CASTOR2: variants seen among roughly 807,000 people sequenced by gnomAD.
CASTOR2 encodes the protein cytosolic arginine sensor for mTORC1 subunit 2.
A neutral mutation model predicts 31.2 loss-of-function variants in CASTOR2; 8 were observed. The observed-to-expected ratio is 0.26, with a 90% CI of 0.15 to 0.46. The LOEUF (loss-of-function observed/expected upper bound fraction) is 0.46, where lower values mean the gene tolerates loss of function less well. CASTOR2 is among the 20% of genes least tolerant of loss of function. The pLI is 0.99. For missense variants in CASTOR2, 216 were observed against 382.1 expected, an observed-to-expected ratio of 0.57 and a Z score of 3.62; for synonymous variants, 162 against 158.7, an observed-to-expected ratio of 1.02 and a Z score of -0.16.
In CASTOR2 at chr7:75,017,728, C is replaced by T. The variant is rs1554439994; in HGVS notation, c.315C>T (p.Ala105=). ...CCAAGATCGCCAAGTCAGTCATCGC[C>T]CCACTGGCTGACCAGAACATATCCG... ...GVTKIAKSVI[A]PLADQNISVF... The change falls in exon 3 of 9, where the codon GCC becomes GCT. Residue 105 remains alanine, a synonymous_variant. Coordinates refer to ENST00000616305, the MANE Select transcript of CASTOR2 (RefSeq NM_001145064.3). 6.8e-6 allele frequency: 11 copies of T among 1,614,040 alleles called. No individual in the cohort carries two copies. In the East Asian group the frequency reaches 2.5e-4, roughly 36 times the overall value.
rs1804907957 is a variant in CASTOR2, at chr7:75,018,060, A to G, written c.449A>G (p.Asn150Ser). ...GAGTTCACCATCCTGCGGGTCGTCA[A>G]TGGCGAGACCGTGGCAGCCGAGAAC... ...SSEFTILRVVNGETVAAENLG... is the reference protein window; with the variant it reads ...SSEFTILRVVSGETVAAENLG... The change falls in exon 4 of 9, where the codon AAT becomes AGT. Residue 150 changes from asparagine to serine, a missense_variant. Coordinates refer to ENST00000616305, the MANE Select transcript of CASTOR2 (RefSeq NM_001145064.3). 10 of 1,614,180 alleles carry G rather than the reference A, an allele frequency of 6.2e-6. No individual in the cohort carries two copies. The highest frequency in any genetic ancestry group is 1.1e-5 in the South Asian group (1 of 91,086).
In CASTOR2 at chr7:75,018,064, C is replaced by T. The variant is rs1345597317; in HGVS notation, c.453C>T (p.Gly151=). 5.0e-6 allele frequency: 8 copies of T among 1,614,068 alleles called. No individual in the cohort carries two copies. Among genetic ancestry groups the T allele is most frequent in the East Asian group, 4.5e-5 (2 of 44,894 alleles). The part of the protein sequence containing the change: ...SEFTILRVVN[G]ETVAAENLGI... ...TCACCATCCTGCGGGTCGTCAATGG[C>T]GAGACCGTGGCAGCCGAGAACCTCG... Residue 151 remains glycine (G), a synonymous_variant, in exon 4 of 9, where the codon GGC becomes GGT. Coordinates refer to ENST00000616305, the MANE Select transcript of CASTOR2 (RefSeq NM_001145064.3).
rs1036561894 is a variant in CASTOR2, at chr7:75,024,909, G to A, written c.*210G>A. The A allele has an allele frequency of 5.0e-4, 615 of 1,223,402 alleles. 1 individual carries two copies. The highest frequency in any genetic ancestry group is 6.7e-4 in the Non-Finnish European group (586 of 877,896). 75.8% of individuals were successfully genotyped at this position (1,223,402 alleles called of 1,614,324 possible). A position where few individuals can be genotyped will look rare whatever the true frequency, so the allele number is the denominator to read the frequency against. On this transcript the variant is annotated 3_prime_UTR_variant, in exon 9 of 9. Coordinates refer to ENST00000616305, the MANE Select transcript of CASTOR2 (RefSeq NM_001145064.3). ...CCCTCCTGCCTTCCCGGAGCCCCCC[G>A]ACCCTCCAGAGAACGACCTTTCTCT... is the stretch of plus-strand genomic sequence containing the variant.
chr7:74,982,483 C>A (rs1170526065), intron 1 of CASTOR2, among the ~76,000 whole-genome samples: 1 of 150,172 alleles, frequency 6.7e-6, no homozygotes, highest in South Asian at 2.1e-4. Flanking sequence ...CCCTCCACCC[C>A]CTCCCAACTG....
chr7:75,007,605 C>A (rs1333143137), intron 1 of CASTOR2, among the ~76,000 whole-genome samples: 2 of 152,124 alleles, frequency 1.3e-5, no homozygotes, highest in East Asian at 3.9e-4. Context: ...GGAACAGACA[C>A]CTAGAGGTTA....
At chr7:74,985,615 T>C (rs1804045132) in intron 1 of CASTOR2, among the ~76,000 whole-genome samples, 1 of 135,982 alleles carries the variant, frequency 7.4e-6, no homozygotes, top group African/African-American at 2.6e-5. Flanking sequence ...AAAAGAATCA[T>C]TGTGAGGGGA....
chr7:74,974,209 C>T (rs1241379119), intron 1 of CASTOR2, among the ~76,000 whole-genome samples: 2 of 143,200 alleles, frequency 1.4e-5, no homozygotes, highest in African/African-American at 5.2e-5. Flanking sequence ...GCTGGAGGAG[C>T]AAACGCCTGG....
In CASTOR2 at chr7:75,024,800, G is replaced by A; in HGVS notation, c.*101G>A. 4 of 1,550,280 alleles carry A rather than the reference G, an allele frequency of 2.6e-6. No individual in the cohort carries two copies. The East Asian group carries it at 7.3e-5, about 28-fold the overall frequency. On this transcript the variant is annotated 3_prime_UTR_variant, in exon 9 of 9. Coordinates refer to ENST00000616305, the MANE Select transcript of CASTOR2 (RefSeq NM_001145064.3). ...CTACAGACTGGAAAATCAGCCTGGGGACCCTGAGGAAGGGGCCTCTGTGGG... is the reference window on the plus strand; with the variant it reads ...CTACAGACTGGAAAATCAGCCTGGGAACCCTGAGGAAGGGGCCTCTGTGGG...
rs1358280480 is a variant in CASTOR2 at position 75,028,433 on chromosome 7, T to C, written c.*3734T>C. ...ACCGTGCCCGGCCTCATGGAATTTC[T>C]AGGGGTGAGCAGGTGACCCTGGGGC... is the stretch of plus-strand genomic sequence containing the variant. On this transcript the variant is annotated 3_prime_UTR_variant, in exon 9 of 9. Coordinates refer to ENST00000616305, the MANE Select transcript of CASTOR2 (RefSeq NM_001145064.3). Among the ~76,000 whole-genome samples, 1 of 152,104 alleles carries C rather than the reference T, an allele frequency of 6.6e-6. No individual in the cohort carries two copies. Among genetic ancestry groups the C allele is most frequent in the Non-Finnish European group, 1.5e-5 (1 of 68,010 alleles).
intron 6 of CASTOR2, 101 bp from the exon 7 acceptor site, chr7:75,021,773 C>T: frequency 1.4e-6 from 2 of 1,451,196 alleles, no homozygotes; most frequent in Non-Finnish European, 1.9e-6. Flanking sequence ...CCAACCCTGC[C>T]TGGCCAGCCC....
Position 75,026,205 on chromosome 7 carries a change from T to TTTTTTTTTTTTTTTG in CASTOR2, c.*1507_*1508insTTTTTTTTTTTTTGT, listed in dbSNP as rs1805127903. ...CTGGCGGGGGTTTTTTTTTTTTTTT[T>TTTTTTTTTTTTTTTG]TGAGATGGGAGTCTGGCTCTGTTGC... On this transcript the variant is annotated 3_prime_UTR_variant, in exon 9 of 9. Coordinates refer to ENST00000616305, the MANE Select transcript of CASTOR2 (RefSeq NM_001145064.3). Among the ~76,000 whole-genome samples the TTTTTTTTTTTTTTTG allele has an allele frequency of 6.7e-6, 1 of 149,146 alleles. No individual in the cohort carries two copies. Among genetic ancestry groups the TTTTTTTTTTTTTTTG allele is most frequent in the Admixed American group, 6.7e-5 (1 of 14,966 alleles).
At chr7:75,023,388 A>G (rs1450058147) in intron 7 of CASTOR2, among the ~76,000 whole-genome samples, 5 of 151,884 alleles carry the variant, frequency 3.3e-5, no homozygotes, top group Non-Finnish European at 7.4e-5. Flanking sequence ...ATTTTCAGTC[A>G]TTCCCTAAGA....
At chr7:74,990,345 G>T (rs1432322990) in intron 1 of CASTOR2, among the ~76,000 whole-genome samples, 1 of 149,036 alleles carries the variant, frequency 6.7e-6, no homozygotes. Context: ...CCGAGATTGC[G>T]CCACTGCACT....
intron 7 of CASTOR2, among the ~76,000 whole-genome samples, chr7:75,022,388 C>T (rs1805027607): frequency 6.6e-6 from 1 of 152,044 alleles, no homozygotes; most frequent in Middle Eastern, 3.2e-3. Flanking sequence ...GCCTGTAATC[C>T]CAGCTACTCA....
rs1453682405 is a variant in CASTOR2 at position 75,003,610 on chromosome 7, C to T, written c.114-4384C>T. Among the ~76,000 whole-genome samples, 181 of 151,738 alleles carry T rather than the reference C, an allele frequency of 1.2e-3. 2 individuals carry two copies. Among genetic ancestry groups the T allele is most frequent in the Non-Finnish European group, 2.5e-4 (17 of 67,936 alleles). Reference sequence around the variant, plus strand: ...CTAAAAATACAAAAAATTAGTTGGGCGTGGTGGCGTGCGCCTGTAGTCTCA... The same window carrying T: ...CTAAAAATACAAAAAATTAGTTGGGTGTGGTGGCGTGCGCCTGTAGTCTCA... On this transcript the variant is annotated intron_variant, in intron 1 of 8. Transcript: ENST00000616305.
intron 1 of CASTOR2, among the ~76,000 whole-genome samples, chr7:74,987,907 C>G (rs1263137814): frequency 6.6e-6 from 1 of 151,744 alleles, no homozygotes; most frequent in Non-Finnish European, 1.5e-5. Flanking sequence ...AGGGTTTCAC[C>G]ATGTTGGCTA....
intron 1 of CASTOR2, among the ~76,000 whole-genome samples, chr7:74,993,978 T>C (rs1804276379): frequency 6.6e-6 from 1 of 152,238 alleles, no homozygotes; most frequent in South Asian, 2.1e-4. Context: ...AACGGGACTC[T>C]GGCTGGGCCA....
chr7:74,974,307 G>T (rs78271467), intron 1 of CASTOR2, among the ~76,000 whole-genome samples: 2,908 of 148,284 alleles, frequency 0.02, 4 homozygotes, highest in Non-Finnish European at 0.029. Flanking sequence ...GAGAAACCCC[G>T]CAGTGTATAC....
rs1805223134 is a variant in CASTOR2, at chr7:75,029,022, G to C, written c.*4323G>C. Among the ~76,000 whole-genome samples the C allele has an allele frequency of 6.6e-6, 1 of 152,246 alleles. No homozygotes were observed. Among genetic ancestry groups the C allele is most frequent in the Non-Finnish European group, 1.5e-5 (1 of 68,046 alleles). On this transcript the variant is annotated 3_prime_UTR_variant, in exon 9 of 9. Coordinates refer to ENST00000616305, the MANE Select transcript of CASTOR2 (RefSeq NM_001145064.3). ...CAGCAGCGTAGCCAGGGTGACATTT[G>C]TTCAGCAGGAGGAGGCTTGGTCTGG... is the stretch of plus-strand genomic sequence containing the variant.
Sources: gnomAD v4.1 joint callset for allele counts (sites outside exome capture counted in the v4.1 genomes callset) on GRCh38, gnomAD v4.1.1 for gene constraint, MANE v1.5 for transcripts, NCBI Gene and HGNC (gene_info 2026-07-23, HGNC 2026-07-21) for gene names.